The following AVEN variants were observed in gnomAD, a reference collection of about 807,000 sequenced individuals.
AVEN encodes the protein apoptosis and caspase activation inhibitor.
In AVEN, 41 loss-of-function variants were observed where a neutral mutation model predicts 38.1. That is an observed-to-expected ratio of 1.08 (90% CI 0.84 to 1.40). The LOEUF is 1.40. Among genes scored for constraint, AVEN ranks in the 40% most tolerant of loss-of-function variants. The probability of loss-of-function intolerance (pLI) is 0.00; values close to 1 mark genes in which losing one functional copy is unlikely to be tolerated. For synonymous variants in AVEN, 206 were observed against 171.8 expected, an observed-to-expected ratio of 1.20 and a Z score of -1.56; for missense variants, 605 against 438.8, an observed-to-expected ratio of 1.38 and a Z score of -3.38.
chr15:33,859,968 T>G (rs539729378), intron 11 of AVEN, among the ~76,000 whole-genome samples: 1 of 152,284 alleles, frequency 6.6e-6, no homozygotes, highest in Admixed American at 6.5e-5. Context: ...TTCCTTCTGT[T>G]CCTCTACTCT....
chr15:33,870,466 A>C (rs1175692582), intron 4 of AVEN, among the ~76,000 whole-genome samples: 2 of 152,088 alleles, frequency 1.3e-5, no homozygotes, highest in African/African-American at 2.4e-5. Context: ...GCCATTCCTA[A>C]CCACACCACA....
intron 2 of AVEN, among the ~76,000 whole-genome samples, chr15:33,983,155 T>TGTA (rs1194579138): frequency 1.0e-4 from 11 of 110,538 alleles, no homozygotes; most frequent in African/African-American, 5.3e-4. Flanking sequence ...TGTGTGTGTG[T>TGTA]GTGTATGTGT....
chr15:33,899,504 C>CT (rs1479565117), intron 2 of AVEN, among the ~76,000 whole-genome samples: 1 of 93,624 alleles, frequency 1.1e-5, no homozygotes, highest in Non-Finnish European at 2.2e-5. Flanking sequence ...GAGTGTTGCT[C>CT]TGTCATCCAG....
downstream of AVEN, chr15:33,854,957 C>G (rs200709969): frequency 7.9e-5 from 121 of 1,533,846 alleles, no homozygotes; most frequent in Middle Eastern, 2.3e-3. Context: ...TGTATATGCA[C>G]AGGAAAAAAA....
intron 2 of AVEN, among the ~76,000 whole-genome samples, chr15:33,888,632 A>G (rs927568411): frequency 1.3e-5 from 2 of 152,214 alleles, no homozygotes; most frequent in South Asian, 2.1e-4. Flanking sequence ...TTTATAGTCA[A>G]TGTAACTCCA....
chr15:33,971,966 C>T (rs1017627570), intron 2 of AVEN: 2 of 152,034 alleles, frequency 1.3e-5, no homozygotes, highest in African/African-American at 2.4e-5. Flanking sequence ...TGATTATATG[C>T]TTTCAGTGTG....
chr15:34,014,762 C>G (rs1897809614), intron 1 of AVEN, among the ~76,000 whole-genome samples: 2 of 152,260 alleles, frequency 1.3e-5, no homozygotes, highest in Admixed American at 1.3e-4. Context: ...CTGGTGAGTT[C>G]AAGGAATTTG....
intron 2 of AVEN, among the ~76,000 whole-genome samples, chr15:33,943,169 T>C (rs1431972425): frequency 6.6e-6 from 1 of 152,272 alleles, no homozygotes; most frequent in East Asian, 1.9e-4. Flanking sequence ...CTCATGTTCA[T>C]AGGAGCACAA....
chr15:34,007,719 T>A (rs993623985), intron 1 of AVEN, among the ~76,000 whole-genome samples: 1 of 152,220 alleles, frequency 6.6e-6, no homozygotes, highest in South Asian at 2.1e-4. Context: ...ACAAATTAGA[T>A]GGCTTAAAAC....
chr15:34,028,707 A>G (rs955200385), intron 1 of AVEN, among the ~76,000 whole-genome samples: 11 of 152,158 alleles, frequency 7.2e-5, no homozygotes, highest in African/African-American at 2.4e-4. Context: ...AGATATCCTT[A>G]ATCACCTTTC....
chr15:33,878,701 C>A (rs192191416), intron 2 of AVEN, among the ~76,000 whole-genome samples: 2 of 151,840 alleles, frequency 1.3e-5, no homozygotes, highest in Admixed American at 6.6e-5. Context: ...GCAAAGAATA[C>A]GTATTAATCT....
At chr15:33,946,640 G>A (rs1894519286) in intron 2 of AVEN, among the ~76,000 whole-genome samples, 1 of 152,124 alleles carries the variant, frequency 6.6e-6, no homozygotes, top group Non-Finnish European at 1.5e-5. Flanking sequence ...GAAGCGTGGG[G>A]CAGTTTTTGC....
At chr15:33,969,712 A>G (rs1325946526) in intron 2 of AVEN, among the ~76,000 whole-genome samples, 1 of 152,018 alleles carries the variant, frequency 6.6e-6, no homozygotes, top group East Asian at 1.9e-4. Context: ...AATTTATCCT[A>G]AAGATACTAG....
intron 3 of AVEN, among the ~76,000 whole-genome samples, chr15:33,874,914 G>A (rs1368010690): frequency 6.6e-6 from 1 of 152,204 alleles, no homozygotes; most frequent in Non-Finnish European, 1.5e-5. Flanking sequence ...TCTTCGATGT[G>A]TCCTAGAATA....
At chr15:33,876,088 G>A in intron 2 of AVEN, 93 bp from the exon 3 acceptor site, 1 of 1,181,154 alleles carries the variant, frequency 8.5e-7, no homozygotes, top group South Asian at 1.4e-5. Flanking sequence ...TGCCATTTCT[G>A]AAGTGCTCAA....
intron 2 of AVEN, among the ~76,000 whole-genome samples, chr15:33,882,684 A>G (rs1891541309): frequency 1.3e-5 from 2 of 152,120 alleles, no homozygotes; most frequent in Non-Finnish European, 2.9e-5. Flanking sequence ...CTGGGTAACA[A>G]AATGAGAACT....
intron 2 of AVEN, among the ~76,000 whole-genome samples, chr15:33,920,041 C>G (rs1026461294): frequency 6.6e-6 from 1 of 152,108 alleles, no homozygotes; most frequent in Non-Finnish European, 1.5e-5. Context: ...CTCACGTGAA[C>G]CTACCCTCAA....
chr15:33,958,904 G>C (rs893658266), intron 2 of AVEN, among the ~76,000 whole-genome samples: 16 of 152,022 alleles, frequency 1.1e-4, no homozygotes, highest in African/African-American at 2.9e-4. Context: ...CCTCTATCTA[G>C]AGCATAAAAT....
chr15:33,859,665 T>C, intron 11 of AVEN: 1 of 1,613,990 alleles, frequency 6.2e-7, no homozygotes, highest in Non-Finnish European at 8.5e-7. Context: ...TTATGAAATG[T>C]ATCGCATTGT....
Sources: allele counts gnomAD v4.1 joint callset (sites outside exome capture counted in the v4.1 genomes callset), GRCh38; gene constraint gnomAD v4.1.1; transcripts MANE v1.5; gene names NCBI Gene and HGNC (gene_info 2026-07-23, HGNC 2026-07-21).